The following KALRN variants were observed in gnomAD, a reference collection of about 807,000 sequenced individuals.
KALRN encodes kalirin.
In KALRN, 70 loss-of-function variants were observed where a neutral mutation model predicts 353.7. The ratio of observed to expected loss-of-function variants is 0.20; its 90% CI spans 0.16 to 0.24. KALRN has a LOEUF of 0.24. Ranked by LOEUF, KALRN falls within the 10% of genes least tolerant of loss-of-function variation. The probability of loss-of-function intolerance (pLI) is 1.00; values close to 1 mark genes in which losing one functional copy is unlikely to be tolerated. For missense variants in KALRN, 2,791 were observed against 3,756.7 expected (o/e 0.74, Z 6.72); for synonymous variants, 1,391 against 1,434.8 (o/e 0.97, Z 0.69).
intron 1 of KALRN, among the ~76,000 whole-genome samples, chr3:124,127,177 T>C (rs566194764): frequency 2.0e-4 from 31 of 152,218 alleles, no homozygotes; most frequent in African/African-American, 4.8e-5. Flanking sequence ...AATTTGCGAC[T>C]CTATTGCTTC....
At chr3:124,628,490 T>C in intron 34 of KALRN, among the ~76,000 whole-genome samples, 1 of 88,464 alleles carries the variant, frequency 1.1e-5, no homozygotes, top group African/African-American at 3.6e-5. Context: ...TTCCCTTCCC[T>C]CCCTTCCCTT....
chr3:124,666,091 T>A (rs529823508), intron 45 of KALRN, among the ~76,000 whole-genome samples: 1 of 152,226 alleles, frequency 6.6e-6, no homozygotes, highest in African/African-American at 2.4e-5. Flanking sequence ...CACTTGCAGC[T>A]CCAAGTGTCA....
intron 57 of KALRN, among the ~76,000 whole-genome samples, chr3:124,706,187 A>G (rs2062605445): frequency 6.6e-6 from 1 of 152,082 alleles, no homozygotes; most frequent in African/African-American, 2.4e-5. Flanking sequence ...GATTGCAGGC[A>G]TAATCCACCG....
chr3:124,666,689 C>G, intron 46 of KALRN, 55 bp downstream of exon 46: 2 of 1,458,214 alleles, frequency 1.4e-6, no homozygotes, highest in Middle Eastern at 2.0e-4. Flanking sequence ...TTCTTGGGAG[C>G]TGCTTCCCTA....
intron 1 of KALRN, among the ~76,000 whole-genome samples, chr3:124,176,678 C>G (rs1228593794): frequency 6.6e-6 from 1 of 152,214 alleles, no homozygotes; most frequent in Non-Finnish European, 1.5e-5. Flanking sequence ...TTTTTCCAGT[C>G]TGATCTCAGT....
intron 6 of KALRN, among the ~76,000 whole-genome samples, chr3:124,308,607 T>A (rs1165532028): frequency 6.6e-6 from 1 of 151,950 alleles, no homozygotes; most frequent in East Asian, 1.9e-4. Context: ...AATTGGAAAC[T>A]AATTTTAGAT....
At chr3:124,043,038 A>G (rs568119513) in intron 1 of KALRN, among the ~76,000 whole-genome samples, 1 of 152,302 alleles carries the variant, frequency 6.6e-6, no homozygotes, top group East Asian at 1.9e-4. Context: ...AGGAGAGAGC[A>G]ATACTTGGGA....
intron 2 of KALRN, among the ~76,000 whole-genome samples, chr3:124,230,861 AAAAAAAAAAAC>A (rs1364878040): frequency 8.1e-6 from 1 of 123,536 alleles, no homozygotes; most frequent in Non-Finnish European, 1.8e-5. Context: ...CAAAACCAAA[AAAAAAAAAAAC>A]AAAAAAAAAA....
intron 1 of KALRN, among the ~76,000 whole-genome samples, chr3:124,157,518 G>T (rs2069179639): frequency 6.6e-6 from 1 of 152,178 alleles, no homozygotes; most frequent in African/African-American, 2.4e-5. Context: ...GGGATAAGTA[G>T]TTATGTTAAT....
At chr3:124,566,156 T>A (rs2072789121) in intron 34 of KALRN, among the ~76,000 whole-genome samples, 1 of 152,184 alleles carries the variant, frequency 6.6e-6, no homozygotes, top group Non-Finnish European at 1.5e-5. Flanking sequence ...TCTTACTATC[T>A]TCTCACCCAT....
At chr3:124,285,162 G>T (rs1008116233) in intron 5 of KALRN, among the ~76,000 whole-genome samples, 2 of 152,296 alleles carry the variant, frequency 1.3e-5, no homozygotes, top group African/African-American at 4.8e-5. Flanking sequence ...TAAATAAAAA[G>T]GGGAGTGAAA....
At chr3:124,112,288 G>A (rs2063055664) in intron 1 of KALRN, among the ~76,000 whole-genome samples, 1 of 134,642 alleles carries the variant, frequency 7.4e-6, no homozygotes, top group Non-Finnish European at 1.6e-5. Flanking sequence ...GGGCTACAGA[G>A]TGAGACTCCA....
chr3:124,193,982 AAG>A (rs1424338372), intron 1 of KALRN, among the ~76,000 whole-genome samples: 1 of 152,166 alleles, frequency 6.6e-6, no homozygotes, highest in Non-Finnish European at 1.5e-5. Context: ...GTACTCCAAA[AAG>A]AGTGTTCCAA....
At chr3:124,673,796 C>T (rs1344857542) in intron 48 of KALRN, among the ~76,000 whole-genome samples, 2 of 152,060 alleles carry the variant, frequency 1.3e-5, no homozygotes. Flanking sequence ...GGGAGGGTAC[C>T]TGGTGCCTGC....
chr3:124,096,197 C>T (rs1384671248), intron 1 of KALRN: 5 of 152,202 alleles, frequency 3.3e-5, no homozygotes, highest in Non-Finnish European at 5.9e-5. Context: ...AGTTGCTTAA[C>T]CTCTCTGTAT....
intron 14 of KALRN, among the ~76,000 whole-genome samples, chr3:124,415,293 G>T (rs1282052531): frequency 6.6e-6 from 1 of 152,236 alleles, no homozygotes; most frequent in Non-Finnish European, 1.5e-5. Context: ...ACAGCAAAAA[G>T]CTCCTCGGGT....
intron 33 of KALRN, among the ~76,000 whole-genome samples, chr3:124,512,125 A>C (rs1278861365): frequency 6.6e-6 from 1 of 152,214 alleles, no homozygotes; most frequent in Non-Finnish European, 1.5e-5. Flanking sequence ...TGTGTTCCTC[A>C]GTGTGTTTCC....
intron 7 of KALRN, 134 bp downstream of exon 7, chr3:124,326,305 G>A (rs570819120): frequency 1.4e-5 from 8 of 589,226 alleles, no homozygotes; most frequent in African/African-American, 7.4e-5. Context: ...AGACCCTGCC[G>A]AGTCATTGCA....
intron 34 of KALRN, among the ~76,000 whole-genome samples, chr3:124,620,565 G>T (rs2079150540): frequency 6.6e-6 from 1 of 152,218 alleles, no homozygotes; most frequent in South Asian, 2.1e-4. Flanking sequence ...ACTCTTAGAA[G>T]AGCAGCAGAT....
Sources: gnomAD v4.1 joint callset for allele counts (sites outside exome capture counted in the v4.1 genomes callset) on GRCh38, gnomAD v4.1.1 for gene constraint, MANE v1.5 for transcripts, NCBI Gene and HGNC (gene_info 2026-07-23, HGNC 2026-07-21) for gene names.